STK3: variants seen among roughly 807,000 people sequenced by gnomAD.
The protein encoded by STK3 is serine/threonine-protein kinase 3.
Under a neutral mutation model 58.0 loss-of-function variants are expected in STK3, and 41 were observed. That is an observed-to-expected ratio of 0.71 (90% CI 0.55 to 0.92). STK3 has a LOEUF of 0.92. Among genes scored for constraint, STK3 ranks in the 40% least tolerant of loss-of-function variants. The pLI, the probability that STK3 is intolerant of heterozygous loss-of-function variation, is 0.00. For synonymous variants in STK3, 170 were observed against 191.0 expected, an observed-to-expected ratio of 0.89 and a Z score of 0.91; for missense variants, 479 against 602.7, an observed-to-expected ratio of 0.79 and a Z score of 2.15.
At chr8:98,553,156 C>A (rs1416099490) in intron 8 of STK3, among the ~76,000 whole-genome samples, 3 of 152,118 alleles carry the variant, frequency 2.0e-5, no homozygotes, top group Non-Finnish European at 2.9e-5. Flanking sequence ...TAACATACAA[C>A]AGATACATTT....
intron 1 of STK3, among the ~76,000 whole-genome samples, chr8:98,808,805 T>C (rs1427727437): frequency 6.6e-6 from 1 of 152,198 alleles, no homozygotes; most frequent in Admixed American, 6.5e-5. Context: ...GAGCTTATGC[T>C]AAAGAGATGA....
chr8:98,733,264 T>C (rs1213106927), intron 4 of STK3, among the ~76,000 whole-genome samples: 1 of 152,198 alleles, frequency 6.6e-6, no homozygotes, highest in Admixed American at 6.5e-5. Context: ...TCCTATTCTT[T>C]CAAGAATCTG....
intron 6 of STK3, among the ~76,000 whole-genome samples, chr8:98,657,310 C>A (rs1416392888): frequency 3.9e-5 from 6 of 151,970 alleles, no homozygotes; most frequent in African/African-American, 1.2e-4. Flanking sequence ...AATAAAAATG[C>A]TATAACTGGT....
chr8:98,584,997 C>T (rs924061903), intron 7 of STK3, among the ~76,000 whole-genome samples: 2 of 149,364 alleles, frequency 1.3e-5, no homozygotes, highest in African/African-American at 2.5e-5. Context: ...GGATATTAGC[C>T]CTTTGTCAGA....
chr8:98,812,764 T>G (rs1180189790), intron 1 of STK3, among the ~76,000 whole-genome samples: 1 of 152,112 alleles, frequency 6.6e-6, no homozygotes, highest in Non-Finnish European at 1.5e-5. Context: ...GAAAACACCA[T>G]TCTGAGCAAA....
chr8:98,812,582 C>G lies in STK3; in HGVS notation c.26+12933G>C, dbSNP rs186198892. Among the ~76,000 whole-genome samples, 1,324 of 152,310 alleles carry G rather than the reference C, an allele frequency of 8.7e-3. 12 individuals are homozygous for G. The highest frequency in any genetic ancestry group is 0.03 in the African/African-American group (1,247 of 41,562). Reference sequence around the variant, plus strand: ...TAAATCATGCTGCTATAAAGACATGCACACATATGTTTACTGTGGCACAAT... The same window carrying G: ...TAAATCATGCTGCTATAAAGACATGGACACATATGTTTACTGTGGCACAAT... On this transcript the variant is annotated intron_variant, in intron 1 of 10. Coordinates refer to ENST00000419617, the MANE Select transcript of STK3 (RefSeq NM_006281.4).
In STK3 at chr8:98,455,838, A is replaced by C; in HGVS notation, c.*4T>G. On this transcript the variant is annotated 3_prime_UTR_variant, in exon 11 of 11. Coordinates refer to ENST00000419617, the MANE Select transcript of STK3 (RefSeq NM_006281.4). ...AATAGTTAAAAACAGAGAGGAAATT[A>C]GACTCAAAAGTTTTGCTGCCTTCTT... 1 of 1,613,452 alleles carries C rather than the reference A, an allele frequency of 6.2e-7. No homozygotes were observed. Among genetic ancestry groups the C allele is most frequent in the Non-Finnish European group, 8.5e-7 (1 of 1,179,690 alleles).
At chr8:98,883,590 G>A (rs878865773), downstream of STK3, 8 of 683,930 alleles carry the variant, frequency 1.2e-5, no homozygotes, top group African/African-American at 8.9e-5. Flanking sequence ...CTAAAGGAAC[G>A]CAACACCAAA....
At chr8:98,636,634 T>C (rs967840234) in intron 6 of STK3, among the ~76,000 whole-genome samples, 1 of 152,176 alleles carries the variant, frequency 6.6e-6, no homozygotes, top group African/African-American at 2.4e-5. Context: ...TTATAGTTAT[T>C]GTACTGGCAG....
downstream of STK3, chr8:98,879,019 C>T (rs1453380892): frequency 6.6e-6 from 1 of 151,452 alleles, no homozygotes; most frequent in Admixed American, 6.6e-5. Context: ...CTACCTCAGC[C>T]TCCCGAGTAG....
At chr8:98,609,581 C>T (rs77703036) in intron 6 of STK3, among the ~76,000 whole-genome samples, 2,091 of 152,162 alleles carry the variant, frequency 0.014, 24 homozygotes, top group Non-Finnish European at 0.024. Context: ...GAAGACAGTA[C>T]AAAAACATCA....
chr8:98,767,950 C>A (rs1831048344), intron 2 of STK3, among the ~76,000 whole-genome samples: 1 of 152,198 alleles, frequency 6.6e-6, no homozygotes, highest in Non-Finnish European at 1.5e-5. Flanking sequence ...AAACTACAAA[C>A]TCACAGGTAA....
chr8:98,603,670 C>T (rs1346455530), intron 6 of STK3, among the ~76,000 whole-genome samples: 3 of 152,064 alleles, frequency 2.0e-5, no homozygotes, highest in Admixed American at 6.6e-5. Flanking sequence ...AGGCAAGGAA[C>T]ACCAATGGAT....
At chr8:98,717,941 G>A (rs1215895374) in intron 4 of STK3, among the ~76,000 whole-genome samples, 1 of 151,902 alleles carries the variant, frequency 6.6e-6, no homozygotes, top group Non-Finnish European at 1.5e-5. Context: ...GAAGTAAGTC[G>A]GTCACAAAAA....
intron 1 of STK3, among the ~76,000 whole-genome samples, chr8:98,912,694 G>A (rs73279718): frequency 0.018 from 2,738 of 152,232 alleles, 76 homozygotes; most frequent in African/African-American, 0.063. Context: ...CAGAGGTAGC[G>A]GGGGTAAAGA....
chr8:98,528,182 T>C (rs546546245), intron 9 of STK3, among the ~76,000 whole-genome samples: 1 of 152,322 alleles, frequency 6.6e-6, no homozygotes, highest in East Asian at 1.9e-4. Flanking sequence ...CTAGTCTCCT[T>C]GCTTCCAATA....
At chr8:98,913,933 G>C (rs951711501) in intron 1 of STK3, among the ~76,000 whole-genome samples, 2 of 152,130 alleles carry the variant, frequency 1.3e-5, no homozygotes, top group African/African-American at 4.8e-5. Flanking sequence ...GGATTTATCA[G>C]GTGGGAACTG....
At chr8:98,530,558 G>C (rs1458763936) in intron 9 of STK3, among the ~76,000 whole-genome samples, 3 of 152,056 alleles carry the variant, frequency 2.0e-5, no homozygotes, top group African/African-American at 2.4e-5. Flanking sequence ...GAGAACCCTG[G>C]AGAATAACGA....
At position 98,652,539 on chromosome 8, in the gene STK3, A is replaced by G. The variant is rs577540097; in HGVS notation, c.684+53928T>C. Among the ~76,000 whole-genome samples, 925 of 148,174 alleles carry G rather than the reference A, an allele frequency of 6.2e-3. 9 individuals are homozygous for G. Among genetic ancestry groups the G allele is most frequent in the African/African-American group, 0.021 (845 of 40,176 alleles). ...CCAATTAAAAGACACAGACTGGCAA[A>G]TTGGATAAAGAGTCAAGACCCATCA... On this transcript the variant is annotated intron_variant, in intron 6 of 10. Transcript: ENST00000419617.
Sources: allele counts gnomAD v4.1 joint callset (sites outside exome capture counted in the v4.1 genomes callset), GRCh38; gene constraint gnomAD v4.1.1; transcripts MANE v1.5; gene names NCBI Gene and HGNC (gene_info 2026-07-23, HGNC 2026-07-21).